The following TBC1D14 variants were observed in gnomAD, a reference collection of about 807,000 sequenced individuals.
The protein encoded by TBC1D14 is TBC1 domain family, member 14.
Under a neutral mutation model 79.0 loss-of-function variants are expected in TBC1D14, and 26 were observed. That is an observed-to-expected ratio of 0.33 (90% CI 0.24 to 0.46). The LOEUF is 0.46. Among genes scored for constraint, TBC1D14 ranks in the 20% least tolerant of loss-of-function variants. TBC1D14 has a pLI of 1.00. For missense variants in TBC1D14, 769 were observed against 887.6 expected (o/e 0.87, Z 1.70); for synonymous variants, 394 against 349.9 (o/e 1.13, Z -1.40).
At chr4:6,924,287 G>C (rs1348893177) in intron 2 of TBC1D14, among the ~76,000 whole-genome samples, 176 bp downstream of exon 2, 1 of 109,660 alleles carries the variant, frequency 9.1e-6, no homozygotes, top group Admixed American at 9.6e-5. Flanking sequence ...GAACTGGTCT[G>C]TTGGGGATTC....
Position 7,030,483 on chromosome 4 carries a change from G to C in TBC1D14, c.*91G>C. The C allele has an allele frequency of 7.6e-7, 1 of 1,318,952 alleles. No homozygotes were observed. Among genetic ancestry groups the C allele is most frequent in the South Asian group, 1.2e-5 (1 of 83,326 alleles). 81.7% of individuals were successfully genotyped at this position (1,318,952 alleles called of 1,614,324 possible). A position where few individuals can be genotyped will look rare whatever the true frequency, so the allele number is the denominator to read the frequency against. On this transcript the variant is annotated 3_prime_UTR_variant, in exon 14 of 14. Transcript: ENST00000409757. ...AGACTGACACCCGGGCAGCCGAGAA[G>C]AACAGACGCTCTTTAAGTTTGATTC...
intron 3 of TBC1D14, among the ~76,000 whole-genome samples, chr4:6,993,874 G>A (rs945052833): frequency 6.6e-6 from 1 of 152,168 alleles, no homozygotes; most frequent in Non-Finnish European, 1.5e-5. Flanking sequence ...GCCAGCCGTG[G>A]TGGTGAGTGC....
At chr4:6,939,434 C>T (rs1242903256) in intron 2 of TBC1D14, among the ~76,000 whole-genome samples, 2 of 152,008 alleles carry the variant, frequency 1.3e-5, no homozygotes, top group Non-Finnish European at 2.9e-5. Flanking sequence ...GAAGCATGCG[C>T]ACCCCTCGAG....
At chr4:6,917,887 A>G (rs1349407526) in intron 1 of TBC1D14, among the ~76,000 whole-genome samples, 5 of 152,178 alleles carry the variant, frequency 3.3e-5, no homozygotes, top group African/African-American at 1.2e-4. Flanking sequence ...ACGAGGCGGA[A>G]GTGCTTGAGG....
At position 6,988,112 on chromosome 4, in the gene TBC1D14, T is replaced by G. The variant is rs576047698; in HGVS notation, c.844-6072T>G. Among the ~76,000 whole-genome samples, 3 of 152,320 alleles carry G rather than the reference T, an allele frequency of 2.0e-5. No homozygotes were observed. The East Asian group carries it at 5.8e-4, about 29-fold the overall frequency. On this transcript the variant is annotated intron_variant, in intron 3 of 13. Transcript: ENST00000409757. The stretch of plus-strand genomic sequence containing the variant: ...ACCTTTCTAAGACCTGTGCAGGCCA[T>G]TCTTCCCCCTCAAAATGGCAAAACA...
At chr4:6,927,624 C>T (rs959126933) in intron 2 of TBC1D14, among the ~76,000 whole-genome samples, 5 of 152,202 alleles carry the variant, frequency 3.3e-5, no homozygotes, top group African/African-American at 1.2e-4. Context: ...GTCTCTCCCA[C>T]TGGCCGATGT....
intron 2 of TBC1D14, among the ~76,000 whole-genome samples, chr4:6,961,506 G>A (rs549203707): frequency 3.3e-3 from 509 of 152,250 alleles, no homozygotes; most frequent in Middle Eastern, 0.01. Context: ...GTGGGGCTGT[G>A]TGTGCATGGC....
intron 2 of TBC1D14, among the ~76,000 whole-genome samples, chr4:6,939,185 T>C (rs1000100382): frequency 1.3e-5 from 2 of 152,122 alleles, no homozygotes; most frequent in Non-Finnish European, 2.9e-5. Context: ...CGTCAGGCGG[T>C]CTCGGCATCT....
intron 2 of TBC1D14, among the ~76,000 whole-genome samples, chr4:6,961,130 C>T (rs957858550): frequency 1.3e-5 from 2 of 152,170 alleles, no homozygotes; most frequent in Non-Finnish European, 2.9e-5. Flanking sequence ...CATTACTTTG[C>T]AAGTCATTGG....
intron 7 of TBC1D14, among the ~76,000 whole-genome samples, chr4:7,004,069 C>T (rs1215650567): frequency 6.6e-6 from 1 of 152,150 alleles, no homozygotes; most frequent in Non-Finnish European, 1.5e-5. Flanking sequence ...TGTCGGGGAA[C>T]AGGGCGCTGA....
intron 5 of TBC1D14, chr4:6,997,369 GTAATC>G (rs926778101): frequency 2.0e-5 from 3 of 152,298 alleles, no homozygotes; most frequent in African/African-American, 7.2e-5. Context: ...GCTCACGCCT[GTAATC>G]GCAGCACTTT....
Position 6,928,050 on chromosome 4 carries a change from C to T in TBC1D14, c.722+3939C>T, listed in dbSNP as rs915336001. 4.6e-5 allele frequency among the ~76,000 whole-genome samples: 7 copies of T among 152,226 alleles called. No homozygotes were observed. The East Asian group carries it at 1.3e-3, about 29-fold the overall frequency. On this transcript the variant is annotated intron_variant, in intron 2 of 13. Transcript: ENST00000409757. ...GGCTTTGTGAAGCCAGGGGTTTAAT[C>T]TCCTAATCCACATTGGTCTGGAAGT...
intron 2 of TBC1D14, among the ~76,000 whole-genome samples, chr4:6,963,069 A>G (rs890316844): frequency 3.9e-5 from 6 of 152,166 alleles, no homozygotes; most frequent in Admixed American, 2.6e-4. Flanking sequence ...ATAGGTACAG[A>G]ATGGAGGGAA....
At chr4:6,953,629 CAAAAAAAAAAA>C (rs750667631) in intron 2 of TBC1D14, among the ~76,000 whole-genome samples, 1 of 55,040 alleles carries the variant, frequency 1.8e-5, no homozygotes. Flanking sequence ...GACTCCGTCT[CAAAAAAAAAAA>C]AAAAAAAAAA....
At chr4:6,929,791 T>C (rs942057338) in intron 2 of TBC1D14, among the ~76,000 whole-genome samples, 3 of 151,936 alleles carry the variant, frequency 2.0e-5, no homozygotes, top group Admixed American at 1.3e-4. Flanking sequence ...CTGGATAGAG[T>C]TGAGATGAGC....
chr4:7,003,673 T>C (rs1719891403), intron 7 of TBC1D14, among the ~76,000 whole-genome samples: 2 of 152,180 alleles, frequency 1.3e-5, no homozygotes, highest in African/African-American at 4.8e-5. Context: ...TTGTGTGTAA[T>C]CTGAGACATC....
chr4:7,008,775 T>C (rs572607487), intron 9 of TBC1D14, among the ~76,000 whole-genome samples: 4 of 152,338 alleles, frequency 2.6e-5, no homozygotes, highest in Admixed American at 6.5e-5. Flanking sequence ...GATGGAAGGA[T>C]CGAAATTACA....
At chr4:6,984,163 G>A (rs1020660343) in intron 3 of TBC1D14, among the ~76,000 whole-genome samples, 5 of 152,172 alleles carry the variant, frequency 3.3e-5, no homozygotes, top group South Asian at 2.1e-4. Context: ...TTAGAAAGCT[G>A]GAATGTGTAC....
At chr4:6,941,345 C>G (rs758818474) in intron 2 of TBC1D14, among the ~76,000 whole-genome samples, 3 of 152,084 alleles carry the variant, frequency 2.0e-5, no homozygotes, top group Non-Finnish European at 4.4e-5. Context: ...GCCACCACGC[C>G]TGGCTAATTT....
Sources: gnomAD v4.1 joint callset for allele counts (sites outside exome capture counted in the v4.1 genomes callset) on GRCh38, gnomAD v4.1.1 for gene constraint, MANE v1.5 for transcripts, NCBI Gene and HGNC (gene_info 2026-07-23, HGNC 2026-07-21) for gene names.